Variants in ANKRD55 observed in about 807,000 individuals in gnomAD.
ANKRD55 encodes ankyrin repeat domain-containing protein 55.
Under a neutral mutation model 60.6 loss-of-function variants are expected in ANKRD55, and 41 were observed. The observed-to-expected ratio is 0.68, with a 90% confidence interval of 0.53 to 0.88. The LOEUF is 0.88. Among genes scored for constraint, ANKRD55 ranks in the 40% least tolerant of loss-of-function variants. ANKRD55 has a pLI of 0.00. For synonymous variants in ANKRD55, 264 were observed against 290.3 expected, an observed-to-expected ratio of 0.91 and a Z score of 0.92; for missense variants, 732 against 767.6, an observed-to-expected ratio of 0.95 and a Z score of 0.55.
chr5:56,117,587 G>A (rs1313323595), intron 8 of ANKRD55, among the ~76,000 whole-genome samples: 1 of 152,086 alleles, frequency 6.6e-6, no homozygotes, highest in African/African-American at 2.4e-5. Flanking sequence ...CTGAGTAGCT[G>A]AGATGACAGG....
chr5:56,112,511 A>AAAAAAAAAAACAAAAAAAAAAAAAC lies in ANKRD55; in HGVS notation c.966-730_966-729insGTTTTTTTTTTTTTGTTTTTTTTTT, dbSNP rs746250279. Among the ~76,000 whole-genome samples the AAAAAAAAAAACAAAAAAAAAAAAAC allele has an allele frequency of 9.1e-4, 74 of 81,510 alleles. 9 individuals are homozygous for AAAAAAAAAAACAAAAAAAAAAAAAC. The highest frequency in any genetic ancestry group is 3.7e-3 in the African/African-American group (68 of 18,522). The allele number at this position is 81,510 out of a possible 152,430, so 53.5% of individuals were successfully genotyped here. On this transcript the variant is annotated intron_variant, in intron 9 of 11. Coordinates refer to ENST00000341048, the MANE Select transcript of ANKRD55 (RefSeq NM_024669.3). Reference sequence around the variant, plus strand: ...GCAGGATCTCATCTCTAGCAAAAAAAAAAAAAAAAAACAACCAAGGAAAGA... The same window carrying AAAAAAAAAAACAAAAAAAAAAAAAC: ...GCAGGATCTCATCTCTAGCAAAAAAAAAAAAAAAAACAAAAAAAAAAAAACAAAAAAAAAAACAACCAAGGAAAGA...
intron 6 of ANKRD55, among the ~76,000 whole-genome samples, chr5:56,157,270 A>G (rs1262503419): frequency 1.3e-5 from 2 of 152,168 alleles, no homozygotes; most frequent in Admixed American, 6.5e-5. Flanking sequence ...AATCTCAAGT[A>G]CCCAGGGACA....
intron 7 of ANKRD55, among the ~76,000 whole-genome samples, chr5:56,135,292 T>C (rs10065434): frequency 0.18 from 14,483 of 81,970 alleles, 1,356 homozygotes; most frequent in Non-Finnish European, 0.21. Flanking sequence ...GCCTGCCTGC[T>C]TGCTTTCTTT....
intron 2 of ANKRD55, among the ~76,000 whole-genome samples, chr5:56,211,085 T>C (rs890072133): frequency 1.3e-5 from 2 of 152,190 alleles, no homozygotes; most frequent in Admixed American, 1.3e-4. Flanking sequence ...TCAGGCACAC[T>C]CCATAAGTCT....
intron 7 of ANKRD55, among the ~76,000 whole-genome samples, chr5:56,132,917 A>G (rs1757462145): frequency 6.6e-6 from 1 of 152,252 alleles, no homozygotes. Flanking sequence ...GAAAGTTGTT[A>G]GGGATAAAGA....
At chr5:56,176,023 A>G (rs1758728959) in intron 4 of ANKRD55, 129 bp downstream of exon 4, 1 of 1,212,170 alleles carries the variant, frequency 8.2e-7, no homozygotes, top group Admixed American at 2.2e-5. Flanking sequence ...TGATTGGAGT[A>G]AAGCTTCAAG....
intron 2 of ANKRD55, among the ~76,000 whole-genome samples, chr5:56,198,106 G>C (rs1275035981): frequency 6.6e-6 from 1 of 152,008 alleles, no homozygotes; most frequent in African/African-American, 2.4e-5. Flanking sequence ...TGCCTTCAAA[G>C]GGTTAATTTG....
At chr5:56,205,136 C>T (rs1394427649) in intron 2 of ANKRD55, among the ~76,000 whole-genome samples, 2 of 152,164 alleles carry the variant, frequency 1.3e-5, no homozygotes, top group Admixed American at 6.5e-5. Flanking sequence ...TCTTGGCTCA[C>T]TGCAAGCTCC....
At chr5:56,227,863 C>G (rs2111899566) in intron 2 of ANKRD55, among the ~76,000 whole-genome samples, 1 of 152,312 alleles carries the variant, frequency 6.6e-6, no homozygotes, top group South Asian at 2.1e-4. Context: ...GAGCCTGGAT[C>G]TGCTAAATGC....
intron 3 of ANKRD55, among the ~76,000 whole-genome samples, chr5:56,181,727 T>C (rs160291): frequency 3.0e-3 from 454 of 152,268 alleles, no homozygotes; most frequent in African/African-American, 0.01. Context: ...GTAGCTAGGA[T>C]TACAGGCTTA....
chr5:56,130,581 G>T (rs938866306), intron 7 of ANKRD55, among the ~76,000 whole-genome samples: 2 of 152,146 alleles, frequency 1.3e-5, no homozygotes, highest in African/African-American at 4.8e-5. Flanking sequence ...ATCATGTCTG[G>T]CTATCGAGAA....
Position 56,226,329 on chromosome 5 carries a change from A to T in ANKRD55, c.58+6527T>A, listed in dbSNP as rs369341751. ...TTCCTTACACCTTATACAAAAATTAATTCAAGATGGATTAAATACTTAAAT... is the reference window on the plus strand; with the variant it reads ...TTCCTTACACCTTATACAAAAATTATTTCAAGATGGATTAAATACTTAAAT... On this transcript the variant is annotated intron_variant, in intron 2 of 11. Coordinates refer to ENST00000341048, the MANE Select transcript of ANKRD55 (RefSeq NM_024669.3). Among the ~76,000 whole-genome samples the T allele has an allele frequency of 6.4e-4, 97 of 152,342 alleles. No homozygotes were observed. In the East Asian group the frequency reaches 0.017, roughly 27 times the overall value.
intron 10 of ANKRD55, among the ~76,000 whole-genome samples, chr5:56,109,081 C>A (rs988990999): frequency 8.9e-4 from 120 of 135,428 alleles, no homozygotes; most frequent in African/African-American, 3.0e-3. Flanking sequence ...ACACACACAC[C>A]CCACCGCCCA....
At chr5:56,212,239 A>G (rs1450787255) in intron 2 of ANKRD55, among the ~76,000 whole-genome samples, 1 of 152,180 alleles carries the variant, frequency 6.6e-6, no homozygotes, top group Non-Finnish European at 1.5e-5. Flanking sequence ...CTTTGGTTGG[A>G]GGATATCTAT....
intron 9 of ANKRD55, 24 bp downstream of exon 9, chr5:56,116,591 A>G: frequency 1.4e-6 from 2 of 1,450,554 alleles, no homozygotes; most frequent in South Asian, 1.5e-5. Flanking sequence ...GAATAGAAAA[A>G]TAACTGGCTC....
chr5:56,131,137 C>G (rs1002154883), intron 7 of ANKRD55, among the ~76,000 whole-genome samples: 8 of 150,586 alleles, frequency 5.3e-5, no homozygotes, highest in Non-Finnish European at 8.9e-5. Context: ...GAACACCAAG[C>G]ACGATAAATG....
At chr5:56,191,872 G>A (rs1759101843) in intron 2 of ANKRD55, among the ~76,000 whole-genome samples, 1 of 152,216 alleles carries the variant, frequency 6.6e-6, no homozygotes, top group Non-Finnish European at 1.5e-5. Flanking sequence ...AATCTAAGTT[G>A]CGGTCAATGC....
intron 7 of ANKRD55, among the ~76,000 whole-genome samples, chr5:56,136,244 T>C (rs1757594766): frequency 6.6e-6 from 1 of 152,216 alleles, no homozygotes; most frequent in African/African-American, 2.4e-5. Flanking sequence ...ACTTATCTTG[T>C]AGATGTCAAC....
intron 2 of ANKRD55, among the ~76,000 whole-genome samples, chr5:56,225,577 A>C (rs1760089974): frequency 6.6e-6 from 1 of 152,212 alleles, no homozygotes; most frequent in Non-Finnish European, 1.5e-5. Flanking sequence ...TTGTATATTT[A>C]GAAAACCCCA....
Sources: allele counts gnomAD v4.1 joint callset (sites outside exome capture counted in the v4.1 genomes callset), GRCh38; gene constraint gnomAD v4.1.1; transcripts MANE v1.5; gene names NCBI Gene and HGNC (gene_info 2026-07-23, HGNC 2026-07-21).